The following STXBP5L variants were observed in gnomAD, a reference collection of about 807,000 sequenced individuals.
STXBP5L encodes the protein syntaxin-binding protein 5-like.
STXBP5L carries 65 observed loss-of-function variants against 144.5 expected under a neutral mutation model. The ratio of observed to expected loss-of-function variants is 0.45; its 90% CI spans 0.37 to 0.55. The LOEUF is 0.55. Ranked by LOEUF, STXBP5L falls within the 20% of genes least tolerant of loss-of-function variation. The probability of loss-of-function intolerance (pLI) is 0.00; values close to 1 mark genes in which losing one functional copy is unlikely to be tolerated. For missense variants in STXBP5L, 1,298 were observed against 1,405.5 expected, an observed-to-expected ratio of 0.92 and a Z score of 1.22; for synonymous variants, 505 against 469.6, an observed-to-expected ratio of 1.08 and a Z score of -0.97.
chr3:121,360,350 C>A (rs1373589603), intron 20 of STXBP5L, among the ~76,000 whole-genome samples: 4 of 151,604 alleles, frequency 2.6e-5, no homozygotes, highest in African/African-American at 9.7e-5. Flanking sequence ...TTAATCCATT[C>A]AGTCATTCTG....
At chr3:121,184,392 C>T (rs1370800632) in intron 9 of STXBP5L, among the ~76,000 whole-genome samples, 1 of 151,470 alleles carries the variant, frequency 6.6e-6, no homozygotes, top group Admixed American at 6.6e-5. Flanking sequence ...AGCTGAAAAA[C>T]ACAGCACAAG....
In STXBP5L at chr3:121,059,443, C is replaced by T. The variant is rs1298927008; in HGVS notation, c.470+13908C>T. 3.3e-5 allele frequency among the ~76,000 whole-genome samples: 5 copies of T among 152,138 alleles called. No homozygotes were observed. In the South Asian group the frequency reaches 6.2e-4, roughly 19 times the overall value. ...CTTTGTTCTTTTTGCTTAGGATTGT[C>T]GTGGCTATGTGGGTTCTTGTTTGGT... On this transcript the variant is annotated intron_variant, in intron 5 of 26. Coordinates refer to ENST00000471454, the MANE Select transcript of STXBP5L (RefSeq NM_001308330.2).
At chr3:121,210,506 C>A (rs1175562100) in intron 10 of STXBP5L, among the ~76,000 whole-genome samples, 4 of 152,154 alleles carry the variant, frequency 2.6e-5, no homozygotes, top group South Asian at 4.2e-4. Flanking sequence ...GTCCTTGCCC[C>A]TGCCTATGTC....
intron 2 of STXBP5L, among the ~76,000 whole-genome samples, chr3:120,945,338 T>C (rs1710789567): frequency 6.6e-6 from 1 of 151,838 alleles, no homozygotes; most frequent in Non-Finnish European, 1.5e-5. Context: ...ATAAATGTAT[T>C]TCATAATTGG....
chr3:121,043,707 CAA>C (rs1233270718), intron 4 of STXBP5L, among the ~76,000 whole-genome samples: 3 of 146,714 alleles, frequency 2.0e-5, no homozygotes, highest in African/African-American at 7.7e-5. Context: ...GACTCCATCT[CAA>C]AAACAAACAA....
intron 20 of STXBP5L, among the ~76,000 whole-genome samples, chr3:121,349,701 C>G (rs1216897608): frequency 2.6e-5 from 4 of 152,060 alleles, no homozygotes; most frequent in African/African-American, 9.7e-5. Flanking sequence ...GATCCCTTTA[C>G]CATTATGTAA....
intron 23 of STXBP5L, among the ~76,000 whole-genome samples, chr3:121,412,588 C>A (rs2047136821): frequency 6.6e-6 from 1 of 151,904 alleles, no homozygotes. Flanking sequence ...TTTATTATCA[C>A]CCTCATCATA....
At chr3:120,958,490 A>G (rs1319523091) in intron 3 of STXBP5L, among the ~76,000 whole-genome samples, 6 of 143,970 alleles carry the variant, frequency 4.2e-5, no homozygotes, top group Admixed American at 1.4e-4. Flanking sequence ...CCTGATGAAG[A>G]TCAATGCAAA....
At chr3:121,416,037 T>C in intron 25 of STXBP5L, 69 bp downstream of exon 25, 1 of 1,216,368 alleles carries the variant, frequency 8.2e-7, no homozygotes, top group Non-Finnish European at 1.2e-6. Flanking sequence ...TGTATTTGTG[T>C]GTGTAACTTA....
At chr3:121,335,571 C>G (rs1178282552) in intron 20 of STXBP5L, among the ~76,000 whole-genome samples, 1 of 152,188 alleles carries the variant, frequency 6.6e-6, no homozygotes, top group East Asian at 1.9e-4. Flanking sequence ...CTACAGTAAC[C>G]AAAATAGCAT....
chr3:121,196,465 C>T (rs1237987432), intron 9 of STXBP5L, among the ~76,000 whole-genome samples: 5 of 151,956 alleles, frequency 3.3e-5, no homozygotes, highest in Admixed American at 6.6e-5. Context: ...TCCATAAAAA[C>T]GGAGGTCTTT....
At chr3:121,417,622 C>T (rs2047268934) in intron 25 of STXBP5L, among the ~76,000 whole-genome samples, 2 of 152,146 alleles carry the variant, frequency 1.3e-5, no homozygotes, top group South Asian at 4.1e-4. Flanking sequence ...CATGTCACCA[C>T]TCCCGGCTAA....
At chr3:120,978,725 G>A (rs1274774641) in intron 3 of STXBP5L, among the ~76,000 whole-genome samples, 1 of 152,120 alleles carries the variant, frequency 6.6e-6, no homozygotes, top group African/African-American at 2.4e-5. Flanking sequence ...GGGTTTTGGT[G>A]TGTATATCCT....
At chr3:121,005,126 T>G (rs191324128) in intron 3 of STXBP5L, among the ~76,000 whole-genome samples, 13 of 152,254 alleles carry the variant, frequency 8.5e-5, no homozygotes, top group Admixed American at 5.2e-4. Context: ...AGAAGGAATG[T>G]TACCAGCTCC....
intron 3 of STXBP5L, among the ~76,000 whole-genome samples, chr3:120,980,045 G>T (rs1941583857): frequency 6.6e-6 from 1 of 151,944 alleles, no homozygotes; most frequent in African/African-American, 2.4e-5. Flanking sequence ...AGTTTCTGTT[G>T]GTGTTGATTT....
intron 6 of STXBP5L, among the ~76,000 whole-genome samples, chr3:121,119,663 C>T (rs2044374859): frequency 6.6e-6 from 1 of 151,152 alleles, no homozygotes; most frequent in Non-Finnish European, 1.5e-5. Flanking sequence ...AGGTCAATTT[C>T]TCATGACCAT....
In STXBP5L at chr3:120,983,607, G is replaced by C. The variant is rs1181322115; in HGVS notation, c.287+28570G>C. ...CGAAAATGCCTTTGTGTAATTTCTA[G>C]GCAGTTCCCTTTTATCCTGGAGGCC... is the stretch of plus-strand genomic sequence containing the variant. On this transcript the variant is annotated intron_variant, in intron 3 of 26. Coordinates refer to ENST00000471454, the MANE Select transcript of STXBP5L (RefSeq NM_001308330.2). Among the ~76,000 whole-genome samples the C allele has an allele frequency of 2.0e-5, 3 of 152,222 alleles. No individual in the cohort carries two copies. The East Asian group carries it at 5.8e-4, about 29-fold the overall frequency.
chr3:121,053,085 G>T (rs1172768249), intron 5 of STXBP5L, among the ~76,000 whole-genome samples: 3 of 151,854 alleles, frequency 2.0e-5, no homozygotes, highest in Non-Finnish European at 4.4e-5. Flanking sequence ...ACTGCTCAAG[G>T]AAATAGAGGA....
intron 7 of STXBP5L, among the ~76,000 whole-genome samples, chr3:121,124,956 A>G (rs898855991): frequency 6.6e-6 from 1 of 152,172 alleles, no homozygotes; most frequent in African/African-American, 2.4e-5. Context: ...AGAGTTTAAA[A>G]TTATGAATAG....
Sources: allele counts gnomAD v4.1 joint callset (sites outside exome capture counted in the v4.1 genomes callset), GRCh38; gene constraint gnomAD v4.1.1; transcripts MANE v1.5; gene names NCBI Gene and HGNC (gene_info 2026-07-23, HGNC 2026-07-21).